The following ABCA8 variants were observed in gnomAD, a reference collection of about 807,000 sequenced individuals.
The protein encoded by ABCA8 is ATP binding cassette subfamily A member 8, also known as ABC-type organic anion transporter ABCA8.
Under a neutral mutation model 192.3 loss-of-function variants are expected in ABCA8, and 177 were observed. That is an observed-to-expected ratio of 0.92 (90% CI 0.81 to 1.04). The LOEUF is 1.04. Among genes scored for constraint, ABCA8 ranks in the 50% least tolerant of loss-of-function variants. The probability of loss-of-function intolerance (pLI) is 0.00; values close to 1 mark genes in which losing one functional copy is unlikely to be tolerated. For synonymous variants in ABCA8, 642 were observed against 690.2 expected (o/e 0.93, Z 1.09); for missense variants, 1,915 against 1,904.8 (o/e 1.01, Z -0.10).
chr17:68,929,195 A>C lies in ABCA8; in HGVS notation c.979T>G (p.Ser327Ala). 1.2e-6 allele frequency: 2 copies of C among 1,605,962 alleles called. No homozygotes were observed. The highest frequency in any genetic ancestry group is 1.7e-6 in the Non-Finnish European group (2 of 1,176,300). ...AACACGACCAGGCCGGTGAGGAAAG[A>C]TTTCTTTACCAAGATGCTCATTAAG... ...AFLMSILVKK[S>A]FLTGLVVFLL... The change falls in exon 9 of 40, where the codon TCT (serine) becomes GCT (alanine). Residue 327 changes from serine to alanine, a missense_variant. Coordinates refer to ENST00000586539, the MANE Select transcript of ABCA8 (RefSeq NM_001288985.2).
chr17:68,887,906 A>C (rs1218565773), intron 24 of ABCA8, among the ~76,000 whole-genome samples: 3 of 60,884 alleles, frequency 4.9e-5, no homozygotes, highest in Non-Finnish European at 8.3e-5. Flanking sequence ...ATATATATAT[A>C]TCCATATATA....
Position 68,929,236 on chromosome 17 carries a change from T to C in ABCA8, c.940-2A>G. The C allele has an allele frequency of 6.3e-7, 1 of 1,583,054 alleles. No individual in the cohort carries two copies. The highest frequency in any genetic ancestry group is 8.6e-7 in the Non-Finnish European group (1 of 1,166,048). Reference sequence around the variant, plus strand: ...GCTCATTAAGAAAGCCAAAGCTACCTAAAATGAGAGAAGATCTAGTTGGTT... The same window carrying C: ...GCTCATTAAGAAAGCCAAAGCTACCCAAAATGAGAGAAGATCTAGTTGGTT... On this transcript the variant is annotated splice_acceptor_variant, in intron 8 of 39. Transcript: ENST00000586539. LOFTEE classifies it high-confidence loss of function.
intron 10 of ABCA8, 119 bp downstream of exon 10, chr17:68,927,797 T>C (rs1330583400): frequency 7.1e-5 from 55 of 776,496 alleles, no homozygotes; most frequent in Non-Finnish European, 1.0e-4. Flanking sequence ...TTTGTTCCTC[T>C]CTTTGCTGTT....
At chr17:68,903,066 T>C (rs2066955877) in intron 20 of ABCA8, among the ~76,000 whole-genome samples, 187 bp from the exon 21 acceptor site, 1 of 152,228 alleles carries the variant, frequency 6.6e-6, no homozygotes, top group African/African-American at 2.4e-5. Flanking sequence ...ATTTGTCCTT[T>C]GTTCATTTCT....
intron 4 of ABCA8, among the ~76,000 whole-genome samples, chr17:68,937,919 T>A (rs1423316736): frequency 6.6e-6 from 1 of 152,100 alleles, no homozygotes; most frequent in African/African-American, 2.4e-5. Context: ...AATATTCTCT[T>A]TTTACAGAAT....
chr17:68,920,182 T>C (rs1037887190), intron 13 of ABCA8, among the ~76,000 whole-genome samples: 6 of 152,142 alleles, frequency 3.9e-5, no homozygotes, highest in Admixed American at 3.3e-4. Flanking sequence ...TTCTCACTTA[T>C]AAGAGGGAGC....
At chr17:68,953,600 G>C (rs1181988193) in intron 1 of ABCA8, among the ~76,000 whole-genome samples, 2 of 152,124 alleles carry the variant, frequency 1.3e-5, no homozygotes, top group Non-Finnish European at 2.9e-5. Flanking sequence ...CAAGTAAAGA[G>C]GTCAGAGAGC....
chr17:68,947,834 C>T (rs2068454370), intron 2 of ABCA8, among the ~76,000 whole-genome samples: 1 of 151,938 alleles, frequency 6.6e-6, no homozygotes, highest in Non-Finnish European at 1.5e-5. Flanking sequence ...CCTATCAACC[C>T]GTCATCTAGG....
At position 68,881,094 on chromosome 17, in the gene ABCA8, A is replaced by T. The variant is rs200431859; in HGVS notation, c.4038+26T>A. The T allele has an allele frequency of 3.6e-4, 529 of 1,466,962 alleles. 2 individuals are homozygous for T. Among genetic ancestry groups the T allele is most frequent in the African/African-American group, 1.9e-3 (138 of 72,032 alleles). 90.9% of individuals were successfully genotyped at this position (1,466,962 alleles called of 1,614,324 possible). A position where few individuals can be genotyped will look rare whatever the true frequency, so the allele number is the denominator to read the frequency against. On this transcript the variant is annotated intron_variant, in intron 32 of 39. Coordinates refer to ENST00000586539, the MANE Select transcript of ABCA8 (RefSeq NM_001288985.2). ...TATCAATCTATTTCACCATTAGATA[A>T]CATATTTTCCACATAATTCACCTAC... is the stretch of plus-strand genomic sequence containing the variant.
intron 17 of ABCA8, among the ~76,000 whole-genome samples, chr17:68,909,439 G>T (rs1259159687): frequency 2.0e-5 from 3 of 152,182 alleles, no homozygotes; most frequent in African/African-American, 7.2e-5. Context: ...TTGGCCCTTA[G>T]ATTAGAAGAA....
chr17:68,881,727 C>G (rs2066340616), intron 31 of ABCA8, 136 bp downstream of exon 31: 1 of 685,032 alleles, frequency 1.5e-6, no homozygotes, highest in Admixed American at 2.4e-5. Context: ...ATGAAACATA[C>G]AAAGGAAGCT....
In ABCA8 at chr17:68,922,033, C is replaced by T. The variant is rs188847041; in HGVS notation, c.1501+209G>A. 2.0e-5 allele frequency among the ~76,000 whole-genome samples: 3 copies of T among 151,606 alleles called. No homozygotes were observed. The East Asian group carries it at 5.8e-4, about 29-fold the overall frequency. On this transcript the variant is annotated intron_variant, in intron 12 of 39. Transcript: ENST00000586539. ...CTAAAACATATTCATTTTTTTCTAA[C>T]TTTTATAAAGTAGAAGCAATACATT...
intron 14 of ABCA8, 122 bp downstream of exon 14, chr17:68,919,179 G>C: frequency 1.1e-6 from 1 of 924,752 alleles, no homozygotes; most frequent in South Asian, 1.9e-5. Context: ...GTTTAAATTG[G>C]ATTTTCTTGT....
At chr17:68,954,073 A>C (rs2068645837) in intron 1 of ABCA8, among the ~76,000 whole-genome samples, 1 of 151,360 alleles carries the variant, frequency 6.6e-6, no homozygotes, top group Admixed American at 6.6e-5. Context: ...TTTAGGGTAC[A>C]TGTACACATT....
At chr17:68,868,208 AGAG>A (rs2065962970) in intron 39 of ABCA8, 25 bp from the exon 40 acceptor site, 5 of 1,610,416 alleles carry the variant, frequency 3.1e-6, no homozygotes, top group Non-Finnish European at 4.2e-6. Flanking sequence ...GGAAATAAAG[AGAG>A]GAGAACAATG....
chr17:68,948,070 T>C (rs1299066844), intron 2 of ABCA8, among the ~76,000 whole-genome samples: 2 of 152,208 alleles, frequency 1.3e-5, no homozygotes, highest in African/African-American at 2.4e-5. Flanking sequence ...GCAAAGGACA[T>C]GATCTCATTC....
At chr17:68,927,609 T>C (rs529812004) in intron 10 of ABCA8, among the ~76,000 whole-genome samples, 2 of 152,004 alleles carry the variant, frequency 1.3e-5, no homozygotes, top group African/African-American at 2.4e-5. Flanking sequence ...TAAATGACCA[T>C]GATTACCAGA....
chr17:68,919,540 T>G, intron 13 of ABCA8, 64 bp from the exon 14 acceptor site: 1 of 1,385,762 alleles, frequency 7.2e-7, no homozygotes. Flanking sequence ...AAATCGCTGT[T>G]AATTAAATGT....
At chr17:68,920,709 G>C (rs1217048865) in intron 13 of ABCA8, among the ~76,000 whole-genome samples, 1 of 152,182 alleles carries the variant, frequency 6.6e-6, no homozygotes, top group Non-Finnish European at 1.5e-5. Flanking sequence ...CACAGGTGCT[G>C]GAGAGGATGT....
Sources: allele counts gnomAD v4.1 joint callset (sites outside exome capture counted in the v4.1 genomes callset), GRCh38; gene constraint gnomAD v4.1.1; transcripts MANE v1.5; gene names NCBI Gene and HGNC (gene_info 2026-07-23, HGNC 2026-07-21).